The following NEB variants were observed in gnomAD, a reference collection of about 807,000 sequenced individuals.
NEB encodes the protein nemaline myopathy type 2.
NEB carries 512 observed loss-of-function variants against 952.2 expected under a neutral mutation model. The observed-to-expected ratio is 0.54, with a 90% CI of 0.50 to 0.58. The LOEUF is 0.58. NEB is among the 20% of genes least tolerant of loss of function. The pLI, the probability that NEB is intolerant of heterozygous loss-of-function variation, is 0.00. For synonymous variants in NEB, 2,900 were observed against 3,149.8 expected, an observed-to-expected ratio of 0.92 and a Z score of 2.66; for missense variants, 8,428 against 9,231.1, an observed-to-expected ratio of 0.91 and a Z score of 3.56.
chr2:151,537,884 G>T lies in NEB; in HGVS notation c.21090C>A (p.Asp7030Glu), dbSNP rs1203398705. 1 of 1,608,708 alleles carries T rather than the reference G, an allele frequency of 6.2e-7. No individual in the cohort carries two copies. Among genetic ancestry groups the T allele is most frequent in the East Asian group, 2.2e-5 (1 of 44,752 alleles). Residue 7030 changes from aspartate (D) to glutamate (E), a missense_variant, in exon 140 of 182, where the codon GAC (aspartate) becomes GAA (glutamate). By Grantham distance (45) the Asp-to-Glu change is conservative (BLOSUM62 2). This residue lies in a region of NEB where 3,374 missense variants were observed against 3,651.5 expected (regional missense o/e 0.92). Transcript: ENST00000397345. ...TGTCAACACTCACATCACTGACTGT[G>T]TCAGTGACTGCTCGGTGGTGGAAAT... ...PEHFHHRAVTDTVSDVKYKED... is the reference protein window; with the variant it reads ...PEHFHHRAVTETVSDVKYKED...
intron 112 of NEB, 33 bp downstream of exon 112, chr2:151,568,283 C>G (rs777035056): frequency 6.2e-6 from 10 of 1,604,314 alleles, no homozygotes; most frequent in Non-Finnish European, 8.5e-6. Context: ...TCCACTCGTA[C>G]ACAAACACCA....
chr2:151,628,333 C>T (rs537819790), intron 68 of NEB, among the ~76,000 whole-genome samples: 1 of 152,180 alleles, frequency 6.6e-6, no homozygotes, highest in African/African-American at 2.4e-5. Flanking sequence ...GGGCACTTGA[C>T]TCCCTGAAGT....
intron 54 of NEB, among the ~76,000 whole-genome samples, chr2:151,647,115 ATT>A (rs562083839): frequency 2.0e-5 from 3 of 147,746 alleles, no homozygotes; most frequent in Non-Finnish European, 4.5e-5. Context: ...AAAACTAATA[ATT>A]TTTTTTTTTT....
chr2:151,563,232 C>A (rs541476865), intron 119 of NEB, among the ~76,000 whole-genome samples: 36 of 152,222 alleles, frequency 2.4e-4, no homozygotes, highest in African/African-American at 8.7e-4. Flanking sequence ...CCAGGCCAGT[C>A]TCGAACTCCT....
Position 151,677,975 on chromosome 2 carries a change from G to A in NEB, c.3468C>T (p.Val1156=), listed in dbSNP as rs373258662. 167 of 1,613,908 alleles carry A rather than the reference G, an allele frequency of 1.0e-4. No individual in the cohort carries two copies. In the African/African-American group the frequency reaches 2.0e-3, roughly 19 times the overall value. The change falls in exon 33 of 182, where the codon GTC becomes GTT. Residue 1156 remains valine, a synonymous_variant. Transcript: ENST00000397345. ...GAGAATGCTTATAGTTGACATTGCTGACCACATCCTGGGCTTTCTTAGCCG... is the reference window on the plus strand; with the variant it reads ...GAGAATGCTTATAGTTGACATTGCTAACCACATCCTGGGCTTTCTTAGCCG... The part of the protein sequence containing the change: ...VVAAKKAQDV[V]SNVNYKHSLH...
intron 120 of NEB, 87 bp from the exon 121 acceptor site, chr2:151,562,301 T>G: frequency 8.7e-7 from 1 of 1,145,872 alleles, no homozygotes; most frequent in Non-Finnish European, 1.3e-6. Context: ...CTGTTGGCTG[T>G]GCTTATTGCT....
chr2:151,511,898 A>G (rs1329428650), intron 161 of NEB, among the ~76,000 whole-genome samples: 1 of 152,192 alleles, frequency 6.6e-6, no homozygotes, highest in Non-Finnish European at 1.5e-5. Flanking sequence ...AAGCCACATC[A>G]TAAGAGATTT....
At chr2:151,652,489 T>C (rs1036535519) in intron 52 of NEB, among the ~76,000 whole-genome samples, 1 of 152,166 alleles carries the variant, frequency 6.6e-6, no homozygotes, top group African/African-American at 2.4e-5. Context: ...CCTCCCAAAG[T>C]GCTGAGATTA....
chr2:151,643,239 G>A lies in NEB; in HGVS notation c.8071C>T (p.Arg2691Cys), dbSNP rs202044707. 4.8e-5 allele frequency: 78 copies of A among 1,613,794 alleles called. 1 individual carries two copies. In the African/African-American group the frequency reaches 5.7e-4, roughly 12 times the overall value. The part of the protein sequence containing the change: ...ATQILSDHVY[R>C]QHPDQFKFSS... ...AACTTAAATTGATCTGGGTGCTGACGGTAAACATGGTCACTCAAAATCTGG... is the reference window on the plus strand; with the variant it reads ...AACTTAAATTGATCTGGGTGCTGACAGTAAACATGGTCACTCAAAATCTGG... Residue 2691 changes from arginine (R) to cysteine (C), a missense_variant, in exon 58 of 182, where the codon CGT (arginine) becomes TGT (cysteine). Arg to Cys is a radical substitution (Grantham distance 180, BLOSUM62 -3). This residue lies in a region of NEB where 1,772 missense variants were observed against 1,960.3 expected (regional missense o/e 0.90). Transcript: ENST00000397345.
chr2:151,514,226 C>G, intron 159 of NEB, 92 bp downstream of exon 159: 1 of 830,982 alleles, frequency 1.2e-6, no homozygotes, highest in Non-Finnish European at 2.0e-6. Context: ...TTTCTCTGTT[C>G]TCTGTTTTTG....
intron 168 of NEB, 87 bp downstream of exon 168, chr2:151,501,304 T>A: frequency 1.1e-6 from 1 of 870,946 alleles, no homozygotes. Flanking sequence ...TTAAATTGAT[T>A]ATTATAAAGG....
Position 151,499,326 on chromosome 2 carries a change from ACTCT to A in NEB, c.24082_24085del (p.Arg8028SerfsTer116). 2 of 1,536,400 alleles carry A rather than the reference ACTCT, an allele frequency of 1.3e-6. No homozygotes were observed. Among genetic ancestry groups the A allele is most frequent in the Non-Finnish European group, 1.8e-6 (2 of 1,138,324 alleles). Reference sequence around the variant, plus strand: ...ACTAAAGTTTTCTTGATTGTGTTTGACTCTCTCCATCTCTGGAGTGATGGGGATT... The same window carrying A: ...ACTAAAGTTTTCTTGATTGTGTTTGACTCCATCTCTGGAGTGATGGGGATT... On this transcript the variant is annotated frameshift_variant, in exon 169 of 182. Coordinates refer to ENST00000397345, the MANE Select transcript of NEB (RefSeq NM_001164508.2). LOFTEE classifies it high-confidence loss of function.
chr2:151,650,864 G>T lies in NEB; in HGVS notation c.6937C>A (p.Arg2313=). Residue 2313 remains arginine, a synonymous_variant, in exon 53 of 182, where the codon CGA becomes AGA. Coordinates refer to ENST00000397345, the MANE Select transcript of NEB (RefSeq NM_001164508.2). ...ASDYKYKQGY[R]KQLGHHVGFR... ...CCAACATGGTGGCCAAGTTGCTTTC[G>T]GTAGCCTTGTTTGTATTTATACTGA... 6.2e-7 allele frequency: 1 copy of T among 1,612,098 alleles called. No homozygotes were observed. The highest frequency in any genetic ancestry group is 8.5e-7 in the Non-Finnish European group (1 of 1,178,820).
At chr2:151,535,550 G>A in intron 142 of NEB, 141 bp downstream of exon 142, 1 of 562,360 alleles carries the variant, frequency 1.8e-6, no homozygotes, top group Non-Finnish European at 3.1e-6. Context: ...ACATTATAGA[G>A]TCTTTTCCAA....
intron 165 of NEB, 54 bp from the exon 166 acceptor site, chr2:151,503,495 G>T: frequency 8.2e-7 from 1 of 1,224,914 alleles, no homozygotes. Flanking sequence ...AAATCCTTTA[G>T]ATAGCAGCCA....
chr2:151,546,312 G>C lies in NEB; in HGVS notation c.20466+33C>G, dbSNP rs374422239. The C allele has an allele frequency of 1.0e-4, 156 of 1,540,930 alleles. No homozygotes were observed. In the African/African-American group the frequency reaches 1.9e-3, roughly 19 times the overall value. On this transcript the variant is annotated intron_variant, in intron 134 of 181. Transcript: ENST00000397345. ...TGATGGGGGCATCCAGCTGTGCGGG[G>C]GGTAATTATGCATTGTGATGATGTG...
chr2:151,635,558 A>G (rs1019197374), intron 64 of NEB, among the ~76,000 whole-genome samples: 2 of 151,980 alleles, frequency 1.3e-5, no homozygotes, highest in South Asian at 2.1e-4. Flanking sequence ...AATACAAAAA[A>G]TTATGGGCGT....
At chr2:151,507,516 C>T (rs1418532143) in intron 162 of NEB, among the ~76,000 whole-genome samples, 1 of 152,178 alleles carries the variant, frequency 6.6e-6, no homozygotes, top group African/African-American at 2.4e-5. Context: ...GGAAAGGAGC[C>T]AAAGACACAG....
chr2:151,506,079 A>T, intron 164 of NEB, 87 bp downstream of exon 164: 1 of 1,146,036 alleles, frequency 8.7e-7, no homozygotes, highest in Non-Finnish European at 1.3e-6. Context: ...GTTTCTGGTG[A>T]CAGAGGCTTT....
Sources: allele counts gnomAD v4.1 joint callset (sites outside exome capture counted in the v4.1 genomes callset), GRCh38; gene constraint gnomAD v4.1.1; regional missense constraint gnomAD v4.1.1; transcripts MANE v1.5; gene names NCBI Gene and HGNC (gene_info 2026-07-23, HGNC 2026-07-21).